Variants in RCBTB1 observed in about 807,000 individuals in gnomAD.
RCBTB1 encodes RCC1 and BTB domain-containing protein 1.
Under a neutral mutation model 62.4 loss-of-function variants are expected in RCBTB1, and 46 were observed. That is an observed-to-expected ratio of 0.74 (90% confidence interval 0.58 to 0.94). The LOEUF is 0.94. RCBTB1 is among the 40% of genes least tolerant of loss of function. The probability of loss-of-function intolerance (pLI) is 0.00; values close to 1 mark genes in which losing one functional copy is unlikely to be tolerated. For missense variants in RCBTB1, 565 were observed against 654.9 expected (o/e 0.86, Z 1.50); for synonymous variants, 222 against 245.8 (o/e 0.90, Z 0.91).
chr13:49,578,975 C>G (rs192881264), intron 2 of RCBTB1, among the ~76,000 whole-genome samples: 5 of 152,272 alleles, frequency 3.3e-5, no homozygotes. Flanking sequence ...AACTTAATGT[C>G]TTCCATCTAT....
chr13:49,567,736 G>C (rs1367957595), intron 2 of RCBTB1, among the ~76,000 whole-genome samples: 5 of 152,210 alleles, frequency 3.3e-5, no homozygotes, highest in African/African-American at 1.2e-4. Context: ...ACCCACCAGA[G>C]ATATTCTTCC....
intron 12 of RCBTB1, among the ~76,000 whole-genome samples, chr13:49,537,039 C>T (rs888997205): frequency 1.3e-5 from 2 of 152,060 alleles, no homozygotes; most frequent in African/African-American, 4.8e-5. Context: ...ATGCTAATGC[C>T]GCCTCTAAGG....
chr13:49,561,929 TAAAAA>T (rs58254547), intron 4 of RCBTB1, among the ~76,000 whole-genome samples: 1 of 134,710 alleles, frequency 7.4e-6, no homozygotes, highest in African/African-American at 2.7e-5. Flanking sequence ...CCACATCTAC[TAAAAA>T]AAAAAAAAAA....
chr13:49,534,988 C>T (rs1273180279), intron 12 of RCBTB1, among the ~76,000 whole-genome samples: 5 of 149,716 alleles, frequency 3.3e-5, no homozygotes, highest in African/African-American at 1.0e-4. Flanking sequence ...GAGCCGAGAT[C>T]GCACCACTGC....
chr13:49,578,367 T>G (rs1402260582), intron 2 of RCBTB1, among the ~76,000 whole-genome samples: 4 of 152,234 alleles, frequency 2.6e-5, no homozygotes, highest in Non-Finnish European at 4.4e-5. Flanking sequence ...AATTTGAGGC[T>G]GGTTGAATCC....
At chr13:49,559,894 A>G (rs1351687843) in intron 5 of RCBTB1, 24 bp downstream of exon 5, 55 of 1,580,550 alleles carry the variant, frequency 3.5e-5, no homozygotes, top group Non-Finnish European at 4.7e-5. Context: ...AAAAAAGAAT[A>G]AAGAATAAAA....
intron 2 of RCBTB1, among the ~76,000 whole-genome samples, chr13:49,578,124 CT>C (rs1216717939): frequency 1.3e-5 from 2 of 152,174 alleles, no homozygotes; most frequent in African/African-American, 2.4e-5. Flanking sequence ...GTTCCAGGAT[CT>C]CCTGCAGATA....
intron 2 of RCBTB1, among the ~76,000 whole-genome samples, chr13:49,578,390 T>C (rs1018403324): frequency 6.6e-6 from 1 of 152,250 alleles, no homozygotes; most frequent in Non-Finnish European, 1.5e-5. Flanking sequence ...AGATGTGGAA[T>C]CCATGGATAC....
At chr13:49,580,887 A>G (rs1425816972) in intron 1 of RCBTB1, among the ~76,000 whole-genome samples, 2 of 152,194 alleles carry the variant, frequency 1.3e-5, no homozygotes, top group African/African-American at 4.8e-5. Flanking sequence ...CAGAAATTAC[A>G]TGGGGTTGGG....
At chr13:49,571,746 A>G (rs1171022658) in intron 2 of RCBTB1, among the ~76,000 whole-genome samples, 1 of 152,042 alleles carries the variant, frequency 6.6e-6, no homozygotes, top group Non-Finnish European at 1.5e-5. Context: ...AACTGTAAAT[A>G]CCACCAAAAC....
At position 49,551,451 on chromosome 13, in the gene RCBTB1, T is replaced by C. The variant is rs73493297; in HGVS notation, c.729A>G (p.Ala243=). Residue 243 remains alanine, a synonymous_variant, in exon 8 of 13, where the codon GCA becomes GCG. Coordinates refer to ENST00000378302, the MANE Select transcript of RCBTB1 (RefSeq NM_018191.4). The part of the protein sequence containing the change: ...VCVNQIVCGY[A]HTLALTDEGL... ...CCTCATCTGTTAGTGCTAGAGTATG[T>C]GCGTAACCGCAGACAATCTGCAAGT... is the stretch of plus-strand genomic sequence containing the variant. 3.2e-3 allele frequency: 5,140 copies of C among 1,614,056 alleles called. 147 individuals carry two copies. The African/African-American group carries it at 0.061, about 19-fold the overall frequency.
chr13:49,538,643 G>T (rs981543773), intron 12 of RCBTB1, among the ~76,000 whole-genome samples: 24 of 151,888 alleles, frequency 1.6e-4, no homozygotes, highest in Non-Finnish European at 7.4e-5. Context: ...TTGAGCCCAG[G>T]AAGTTGAGGC....
Position 49,543,934 on chromosome 13 carries a change from G to T in RCBTB1, c.1172+803C>A, listed in dbSNP as rs1332627517. Reference sequence around the variant, plus strand: ...ACTCCTAGGATCAAGTGATATTCCCGCCTTGGCCTCCCAAAGTCCTAGGAT... The same window carrying T: ...ACTCCTAGGATCAAGTGATATTCCCTCCTTGGCCTCCCAAAGTCCTAGGAT... On this transcript the variant is annotated intron_variant, in intron 10 of 12. Transcript: ENST00000378302. Among the ~76,000 whole-genome samples the T allele has an allele frequency of 2.0e-5, 3 of 152,004 alleles. No homozygotes were observed. In the South Asian group the frequency reaches 6.2e-4, roughly 32 times the overall value.
chr13:49,543,420 A>G (rs1960541275), intron 10 of RCBTB1, among the ~76,000 whole-genome samples: 2 of 152,258 alleles, frequency 1.3e-5, no homozygotes, highest in African/African-American at 4.8e-5. Context: ...CTGGTTGACC[A>G]CAGGTGCACA....
chr13:49,577,473 T>C (rs1380437671), intron 2 of RCBTB1, among the ~76,000 whole-genome samples: 3 of 152,234 alleles, frequency 2.0e-5, no homozygotes, highest in Non-Finnish European at 4.4e-5. Flanking sequence ...TGTAAGCACA[T>C]GGCTTCCACA....
chr13:49,576,981 G>A (rs1963828606), intron 2 of RCBTB1, among the ~76,000 whole-genome samples: 1 of 152,098 alleles, frequency 6.6e-6, no homozygotes, highest in Admixed American at 6.6e-5. Context: ...TATTTTCTCT[G>A]GCACTTGAAA....
chr13:49,551,073 A>C, intron 8 of RCBTB1: 1 of 413,086 alleles, frequency 2.4e-6, no homozygotes. Context: ...ATTGCACTCC[A>C]GTCTGGGTGA....
chr13:49,574,315 C>T (rs557834477), intron 2 of RCBTB1, among the ~76,000 whole-genome samples: 2 of 151,728 alleles, frequency 1.3e-5, no homozygotes, highest in African/African-American at 4.8e-5. Context: ...GACGGGGTTT[C>T]ACCATGTTAG....
At chr13:49,551,527 T>C (rs1174996770) in intron 7 of RCBTB1, 59 bp from the exon 8 acceptor site, 14 of 1,595,994 alleles carry the variant, frequency 8.8e-6, no homozygotes, top group Non-Finnish European at 1.2e-5. Flanking sequence ...AGGGAGAACA[T>C]CTACTTAAAG....
Sources: gnomAD v4.1 joint callset for allele counts (sites outside exome capture counted in the v4.1 genomes callset) on GRCh38, gnomAD v4.1.1 for gene constraint, MANE v1.5 for transcripts, NCBI Gene and HGNC (gene_info 2026-07-23, HGNC 2026-07-21) for gene names.